FBXL17: variants seen among roughly 807,000 people sequenced by gnomAD.
FBXL17 encodes the protein F-box/LRR-repeat protein 17.
Under a neutral mutation model 66.2 loss-of-function variants are expected in FBXL17, and 22 were observed. The ratio of observed to expected loss-of-function variants is 0.33; its 90% CI spans 0.24 to 0.47. The LOEUF (loss-of-function observed/expected upper bound fraction) is 0.47, where lower values mean the gene tolerates loss of function less well. Among genes scored for constraint, FBXL17 ranks in the 20% least tolerant of loss-of-function variants. The pLI is 1.00. For synonymous variants in FBXL17, 474 were observed against 400.5 expected (o/e 1.18, Z -2.19); for missense variants, 878 against 948.2 (o/e 0.93, Z 0.97).
At chr5:108,212,917 T>C (rs1338271270) in intron 5 of FBXL17, among the ~76,000 whole-genome samples, 1 of 152,190 alleles carries the variant, frequency 6.6e-6, no homozygotes, top group Non-Finnish European at 1.5e-5. Flanking sequence ...CACCCACAAT[T>C]GCTCCTTTCT....
intron 4 of FBXL17, among the ~76,000 whole-genome samples, chr5:108,268,988 T>C (rs749556812): frequency 6.6e-6 from 1 of 152,166 alleles, no homozygotes; most frequent in South Asian, 2.1e-4. Context: ...CAAAGAGTAG[T>C]AAATTATGAA....
rs70996988 is a variant in FBXL17, at chr5:108,242,349, TTTGTTGTTGTTG to T, written c.1507-18133_1507-18122del. Among the ~76,000 whole-genome samples, 1,334 of 146,860 alleles carry T rather than the reference TTTGTTGTTGTTG, an allele frequency of 9.1e-3. 18 individuals carry two copies. The highest frequency in any genetic ancestry group is 0.025 in the African/African-American group (1,007 of 39,854). On this transcript the variant is annotated intron_variant, in intron 4 of 8. Coordinates refer to ENST00000542267, the MANE Select transcript of FBXL17 (RefSeq NM_001163315.3). ...GGCAGGTGCCACCATGCCTGGCTAG[TTTGTTGTTGTTG>T]TTGTTGTTGTTGTTGTTGTTGTTGT...
At chr5:107,995,339 G>T (rs1043202430) in intron 7 of FBXL17, among the ~76,000 whole-genome samples, 4 of 152,118 alleles carry the variant, frequency 2.6e-5, no homozygotes, top group Admixed American at 6.6e-5. Context: ...AACACATGCT[G>T]TTTGAAAAAT....
intron 4 of FBXL17, among the ~76,000 whole-genome samples, chr5:108,284,832 G>T (rs999247171): frequency 2.0e-5 from 3 of 151,796 alleles, no homozygotes; most frequent in Non-Finnish European, 4.4e-5. Context: ...GCTGAAGCTT[G>T]GGGTGGCTGT....
chr5:107,892,121 T>C (rs1742851910), intron 7 of FBXL17, among the ~76,000 whole-genome samples: 1 of 152,084 alleles, frequency 6.6e-6, no homozygotes, highest in Non-Finnish European at 1.5e-5. Flanking sequence ...AATACTATAC[T>C]GAAAGGAAAA....
intron 7 of FBXL17, among the ~76,000 whole-genome samples, chr5:108,009,308 T>TATATATATATATACACACAC: frequency 2.4e-5 from 1 of 42,220 alleles, no homozygotes; most frequent in African/African-American, 8.8e-5. Context: ...TATACATATA[T>TATATATATATATACACACAC]ACATACACAT....
intron 6 of FBXL17, among the ~76,000 whole-genome samples, chr5:108,109,352 A>G (rs1163173319): frequency 6.6e-6 from 1 of 152,178 alleles, no homozygotes; most frequent in East Asian, 1.9e-4. Flanking sequence ...TCCACAAGAA[A>G]GGAACATCCT....
chr5:108,232,795 A>ATATAATATATATATATTATATATATAG (rs1755418671), intron 4 of FBXL17, among the ~76,000 whole-genome samples: 1 of 125,274 alleles, frequency 8.0e-6, no homozygotes, highest in Non-Finnish European at 1.6e-5. Context: ...ATATATATAT[A>ATATAATATATATATATTATATATATAG]TATATATATA....
At chr5:108,314,639 A>T (rs574806418) in intron 4 of FBXL17, among the ~76,000 whole-genome samples, 1 of 151,606 alleles carries the variant, frequency 6.6e-6, no homozygotes, top group South Asian at 2.1e-4. Flanking sequence ...TAGGCCAAAA[A>T]AATAAGAACA....
At chr5:108,089,512 C>T (rs1749110013) in intron 6 of FBXL17, among the ~76,000 whole-genome samples, 1 of 152,212 alleles carries the variant, frequency 6.6e-6, no homozygotes, top group Non-Finnish European at 1.5e-5. Flanking sequence ...TCTTCTTAAT[C>T]TCTACCTCCT....
At chr5:108,050,361 A>G (rs1302054598) in intron 6 of FBXL17, among the ~76,000 whole-genome samples, 2 of 152,208 alleles carry the variant, frequency 1.3e-5, no homozygotes, top group South Asian at 2.1e-4. Flanking sequence ...CATAACAAAC[A>G]TCCTCTCAGA....
intron 7 of FBXL17, among the ~76,000 whole-genome samples, chr5:107,958,917 TTAAAA>T (rs1287082616): frequency 1.3e-5 from 2 of 152,244 alleles, no homozygotes; most frequent in Non-Finnish European, 2.9e-5. Context: ...ACTCATTTTC[TTAAAA>T]TAAATTCTGG....
chr5:108,071,814 T>C (rs17160916), intron 6 of FBXL17, among the ~76,000 whole-genome samples: 3,418 of 152,254 alleles, frequency 0.022, 174 homozygotes, highest in East Asian at 0.2. Context: ...TGGTATGTTA[T>C]TGGTATGTTA....
chr5:108,222,876 G>A (rs1012087697), intron 5 of FBXL17, among the ~76,000 whole-genome samples: 4 of 151,686 alleles, frequency 2.6e-5, no homozygotes, highest in Non-Finnish European at 4.4e-5. Flanking sequence ...GTTTCACCAC[G>A]TTGGCCAGGC....
chr5:108,338,332 C>T (rs2150251989), intron 4 of FBXL17, among the ~76,000 whole-genome samples: 1 of 152,090 alleles, frequency 6.6e-6, no homozygotes, highest in South Asian at 2.1e-4. Context: ...AAGAAAATCA[C>T]CCAACTATAG....
intron 6 of FBXL17, among the ~76,000 whole-genome samples, chr5:108,065,041 C>T (rs1324628616): frequency 6.6e-6 from 1 of 152,146 alleles, no homozygotes; most frequent in Non-Finnish European, 1.5e-5. Context: ...TCTCCCTCTT[C>T]TATCCCTAGA....
intron 5 of FBXL17, among the ~76,000 whole-genome samples, chr5:108,187,167 G>A (rs961676199): frequency 6.6e-5 from 10 of 151,986 alleles, no homozygotes; most frequent in East Asian, 1.9e-4. Context: ...CTTGTCTTCC[G>A]CTGATGTTTA....
chr5:108,381,405 G>A lies in FBXL17; in HGVS notation c.287C>T (p.Ser96Phe). The change falls in exon 1 of 9, where the codon TCC (serine) becomes TTC (phenylalanine). Residue 96 changes from serine (S) to phenylalanine (F), a missense_variant. Ser to Phe is a radical substitution (Grantham distance 155). Transcript: ENST00000542267. ...PRDGAYAAAS[S>F]SQHLARRYAA... ...GTAGCGCCGCGCCAGGTGCTGAGAGGAGGAGGCGGCAGCGTAGGCCCCGTC... is the reference window on the plus strand; with the variant it reads ...GTAGCGCCGCGCCAGGTGCTGAGAGAAGGAGGCGGCAGCGTAGGCCCCGTC... 2 of 1,326,900 alleles carry A rather than the reference G, an allele frequency of 1.5e-6. No homozygotes were observed. The highest frequency in any genetic ancestry group is 9.5e-7 in the Non-Finnish European group (1 of 1,047,586). 82.2% of individuals were successfully genotyped at this position (1,326,900 alleles called of 1,614,324 possible).
intron 4 of FBXL17, among the ~76,000 whole-genome samples, chr5:108,234,937 A>C (rs925850539): frequency 2.6e-4 from 40 of 152,226 alleles, no homozygotes; most frequent in African/African-American, 8.4e-4. Flanking sequence ...CTAAATAAAG[A>C]GATGCAATGT....
Sources: allele counts gnomAD v4.1 joint callset (sites outside exome capture counted in the v4.1 genomes callset), GRCh38; gene constraint gnomAD v4.1.1; transcripts MANE v1.5; gene names NCBI Gene and HGNC (gene_info 2026-07-23, HGNC 2026-07-21).